Variants in LRP1B observed in about 807,000 individuals in gnomAD.
The protein encoded by LRP1B is low-density lipoprotein receptor-related protein 1B.
LRP1B carries 217 observed loss-of-function variants against 556.6 expected under a neutral mutation model. That is an observed-to-expected ratio of 0.39 (90% CI 0.35 to 0.44). LRP1B has a LOEUF of 0.44. LRP1B is among the 20% of genes least tolerant of loss of function. LRP1B has a pLI of 1.00. For synonymous variants in LRP1B, 2,047 were observed against 1,865.8 expected (o/e 1.10, Z -2.50); for missense variants, 5,053 against 5,620.8 (o/e 0.90, Z 3.23).
intron 2 of LRP1B, among the ~76,000 whole-genome samples, chr2:141,691,974 T>C: frequency 6.6e-6 from 1 of 152,136 alleles, no homozygotes; most frequent in African/African-American, 2.4e-5. Flanking sequence ...ATGAATATCC[T>C]TTCTTTTTTC....
chr2:140,297,137 T>C (rs987996185), intron 84 of LRP1B, among the ~76,000 whole-genome samples: 1 of 152,086 alleles, frequency 6.6e-6, no homozygotes, highest in Non-Finnish European at 1.5e-5. Flanking sequence ...GGGTTCCTAG[T>C]AACAAGAAGA....
chr2:141,643,810 T>G (rs1689436624), intron 2 of LRP1B, among the ~76,000 whole-genome samples: 1 of 152,172 alleles, frequency 6.6e-6, no homozygotes, highest in African/African-American at 2.4e-5. Flanking sequence ...ATACTAGTCA[T>G]GTGACATTGG....
intron 20 of LRP1B, among the ~76,000 whole-genome samples, chr2:140,923,353 TC>T (rs1189970533): frequency 6.6e-6 from 1 of 152,054 alleles, no homozygotes; most frequent in Non-Finnish European, 1.5e-5. Flanking sequence ...ACATTAATAG[TC>T]CGATAAAATG....
At chr2:141,903,362 C>T (rs375453095) in intron 1 of LRP1B, among the ~76,000 whole-genome samples, 2 of 151,870 alleles carry the variant, frequency 1.3e-5, no homozygotes, top group African/African-American at 4.8e-5. Context: ...TTCTGGGCTT[C>T]CAGCTCTGAG....
intron 2 of LRP1B, among the ~76,000 whole-genome samples, chr2:141,650,837 T>C (rs1689759665): frequency 6.6e-6 from 1 of 152,210 alleles, no homozygotes; most frequent in African/African-American, 2.4e-5. Context: ...AATCCCGAAT[T>C]TATCTTAAAT....
intron 1 of LRP1B, among the ~76,000 whole-genome samples, chr2:141,997,570 A>G (rs1702535100): frequency 6.7e-6 from 1 of 148,590 alleles, no homozygotes; most frequent in Non-Finnish European, 1.5e-5. Flanking sequence ...GCAGCCTCGA[A>G]CTCCTGGGCT....
intron 3 of LRP1B, among the ~76,000 whole-genome samples, chr2:141,423,407 G>A (rs746055175): frequency 6.6e-6 from 1 of 150,788 alleles, no homozygotes; most frequent in Non-Finnish European, 1.5e-5. Flanking sequence ...GGCTCAGGCT[G>A]GAACCAAAGC....
intron 1 of LRP1B, among the ~76,000 whole-genome samples, chr2:142,065,148 G>C (rs944525460): frequency 6.6e-6 from 1 of 151,448 alleles, no homozygotes; most frequent in Non-Finnish European, 1.5e-5. Context: ...GCCGGTCATT[G>C]TATAATGGTA....
chr2:140,498,906 C>G (rs1376513145), intron 55 of LRP1B, among the ~76,000 whole-genome samples: 2 of 151,764 alleles, frequency 1.3e-5, no homozygotes, highest in Non-Finnish European at 2.9e-5. Context: ...AATGTTTGTA[C>G]AAGTCATATT....
At chr2:140,795,963 C>A (rs1195924022) in intron 32 of LRP1B, among the ~76,000 whole-genome samples, 22 of 151,938 alleles carry the variant, frequency 1.4e-4, no homozygotes, top group Non-Finnish European at 4.4e-5. Context: ...ATAAAACACT[C>A]TGTTATTTTC....
intron 2 of LRP1B, among the ~76,000 whole-genome samples, chr2:141,723,605 A>C (rs1692922142): frequency 6.6e-6 from 1 of 151,828 alleles, no homozygotes; most frequent in African/African-American, 2.4e-5. Flanking sequence ...ATATGTTGCT[A>C]TCTTTTATAT....
At chr2:140,339,020 C>G (rs565220356) in intron 77 of LRP1B, among the ~76,000 whole-genome samples, 1 of 151,868 alleles carries the variant, frequency 6.6e-6, no homozygotes, top group Admixed American at 6.6e-5. Flanking sequence ...GTGGAAGACA[C>G]ATTTTGACTG....
In LRP1B at chr2:140,949,466, T is replaced by A. The variant is rs184748502; in HGVS notation, c.3136+769A>T. The stretch of plus-strand genomic sequence containing the variant: ...AGCCATGGTCATAATCTCCTTCCTT[T>A]CTTAGCTTGTACTCTAGAAAGTCAG... On this transcript the variant is annotated intron_variant, in intron 20 of 90. Coordinates refer to ENST00000389484, the MANE Select transcript of LRP1B (RefSeq NM_018557.3). 1.8e-3 allele frequency among the ~76,000 whole-genome samples: 274 copies of A among 152,330 alleles called. 1 individual carries two copies. The highest frequency in any genetic ancestry group is 6.4e-3 in the African/African-American group (266 of 41,574).
chr2:141,088,316 T>C (rs748240959), intron 7 of LRP1B, among the ~76,000 whole-genome samples: 2 of 152,204 alleles, frequency 1.3e-5, no homozygotes, highest in African/African-American at 2.4e-5. Flanking sequence ...TTTCTTTAAT[T>C]ACATCAATTT....
intron 20 of LRP1B, among the ~76,000 whole-genome samples, chr2:140,928,267 C>T (rs1298221853): frequency 6.6e-6 from 1 of 152,076 alleles, no homozygotes. Context: ...GTGAAGAAAA[C>T]GGATCAGAGT....
chr2:141,363,578 C>T (rs980984966), intron 3 of LRP1B, among the ~76,000 whole-genome samples: 2 of 151,956 alleles, frequency 1.3e-5, no homozygotes, highest in Non-Finnish European at 2.9e-5. Context: ...TTTAGAGTAA[C>T]AGATAATTAT....
At chr2:142,126,276 T>A (rs1172845142) in intron 1 of LRP1B, among the ~76,000 whole-genome samples, 1 of 151,750 alleles carries the variant, frequency 6.6e-6, no homozygotes, top group Non-Finnish European at 1.5e-5. Context: ...CTTTTTTTTT[T>A]GTCCAGATAA....
intron 2 of LRP1B, among the ~76,000 whole-genome samples, chr2:141,683,538 G>A (rs1446052200): frequency 6.6e-6 from 1 of 152,102 alleles, no homozygotes; most frequent in African/African-American, 2.4e-5. Flanking sequence ...GTTATAAGCG[G>A]TAACAAAACT....
At chr2:141,107,990 A>G (rs1700650483) in intron 7 of LRP1B, among the ~76,000 whole-genome samples, 1 of 152,168 alleles carries the variant, frequency 6.6e-6, no homozygotes, top group African/African-American at 2.4e-5. Context: ...TCAGCTTGAA[A>G]AGTGACAAAT....
Sources: allele counts gnomAD v4.1 joint callset (sites outside exome capture counted in the v4.1 genomes callset), GRCh38; gene constraint gnomAD v4.1.1; transcripts MANE v1.5; gene names NCBI Gene and HGNC (gene_info 2026-07-23, HGNC 2026-07-21).